The following STYX variants were observed in gnomAD, a reference collection of about 807,000 sequenced individuals.
STYX encodes the protein serine/threonine/tyrosine interacting protein, also known as serine/threonine/tyrosine-interacting protein.
A neutral mutation model predicts 42.7 loss-of-function variants in STYX; 20 were observed. The observed-to-expected ratio is 0.47, with a 90% CI of 0.33 to 0.68. The LOEUF (loss-of-function observed/expected upper bound fraction) is 0.68, where lower values mean the gene tolerates loss of function less well. Among genes scored for constraint, STYX ranks in the 30% least tolerant of loss-of-function variants. The pLI is 0.02. For missense variants in STYX, 226 were observed against 268.5 expected, an observed-to-expected ratio of 0.84 and a Z score of 1.11; for synonymous variants, 78 against 81.9, an observed-to-expected ratio of 0.95 and a Z score of 0.26.
chr14:52,747,828 C>T (rs1388148713), intron 3 of STYX, among the ~76,000 whole-genome samples: 8 of 152,156 alleles, frequency 5.3e-5, no homozygotes, highest in Admixed American at 4.6e-4. Flanking sequence ...CCCGTCTCTA[C>T]TAAAAATACA....
intron 1 of STYX, among the ~76,000 whole-genome samples, chr14:52,740,821 A>G (rs1338210114): frequency 1.3e-5 from 2 of 152,202 alleles, no homozygotes; most frequent in Admixed American, 1.3e-4. Context: ...CAGTTCATTG[A>G]GTTTTGATGA....
intron 9 of STYX, among the ~76,000 whole-genome samples, chr14:52,767,846 G>T (rs568818950): frequency 6.6e-6 from 1 of 152,162 alleles, no homozygotes; most frequent in Non-Finnish European, 1.5e-5. Flanking sequence ...AGTGCCTCAG[G>T]TGATTCTCAT....
rs770415199 is a variant in STYX at position 52,771,142 on chromosome 14, T to C, written c.*36T>C. ...AACATCATAGAGTGTGAATTTCTAT[T>C]TGGGAAGGAGAAAATACAAGAGAAA... On this transcript the variant is annotated 3_prime_UTR_variant, in exon 11 of 11. Transcript: ENST00000354586. The C allele has an allele frequency of 1.4e-5, 21 of 1,549,150 alleles. No homozygotes were observed. Among genetic ancestry groups the C allele is most frequent in the South Asian group, 1.3e-4 (11 of 81,488 alleles).
Position 52,730,382 on chromosome 14 carries a change from G to C in STYX, c.-93G>C, listed in dbSNP as rs1039120725. The C allele has an allele frequency of 1.2e-4, 168 of 1,345,286 alleles. No individual in the cohort carries two copies. Among genetic ancestry groups the C allele is most frequent in the Non-Finnish European group, 1.7e-4 (163 of 955,264 alleles). The allele number at this position is 1,345,286 out of a possible 1,614,324, so 83.3% of individuals were successfully genotyped here. On this transcript the variant is annotated 5_prime_UTR_variant, in exon 1 of 11. Transcript: ENST00000354586. ...CCTCCTGTCAGCCCTCCGCTCCGCC[G>C]GCCCTCCTTCCTTCCGCCGCCGCAG...
chr14:52,734,492 T>C (rs1880868222), intron 1 of STYX, among the ~76,000 whole-genome samples: 2 of 152,224 alleles, frequency 1.3e-5, no homozygotes, highest in Non-Finnish European at 2.9e-5. Flanking sequence ...ATCACTTCAT[T>C]AGCATAATCA....
chr14:52,760,546 C>T (rs1422960155), intron 9 of STYX, among the ~76,000 whole-genome samples: 1 of 152,142 alleles, frequency 6.6e-6, no homozygotes, highest in Non-Finnish European at 1.5e-5. Context: ...TGTGCTCTGG[C>T]TAATTACATC....
chr14:52,754,914 T>G (rs1881789469), intron 4 of STYX, among the ~76,000 whole-genome samples: 1 of 152,196 alleles, frequency 6.6e-6, no homozygotes, highest in Non-Finnish European at 1.5e-5. Flanking sequence ...ATAGTTCTAC[T>G]AGCAGTGCTT....
intron 3 of STYX, 76 bp downstream of exon 3, chr14:52,746,555 G>A (rs1365014414): frequency 7.6e-7 from 1 of 1,307,364 alleles, no homozygotes; most frequent in Non-Finnish European, 1.1e-6. Context: ...TAGTAATAAA[G>A]AGTTTTATTT....
chr14:52,744,320 C>T (rs1181266350), intron 1 of STYX, among the ~76,000 whole-genome samples: 2 of 152,104 alleles, frequency 1.3e-5, no homozygotes. Flanking sequence ...GAATGTTAGG[C>T]CCAAGTGAGA....
At chr14:52,756,840 G>A (rs539645222) in intron 5 of STYX, among the ~76,000 whole-genome samples, 6 of 151,626 alleles carry the variant, frequency 4.0e-5, no homozygotes, top group East Asian at 1.9e-4. Flanking sequence ...GGCATGAGCC[G>A]CCATGCCCAG....
intron 3 of STYX, among the ~76,000 whole-genome samples, chr14:52,747,803 C>T (rs977097657): frequency 6.6e-6 from 1 of 152,138 alleles, no homozygotes; most frequent in Non-Finnish European, 1.5e-5. Flanking sequence ...ACCAGCCTGG[C>T]CAACATGGCA....
At chr14:52,753,390 T>A (rs554286100) in intron 4 of STYX, among the ~76,000 whole-genome samples, 1 of 152,142 alleles carries the variant, frequency 6.6e-6, no homozygotes, top group African/African-American at 2.4e-5. Flanking sequence ...TTTCACCATG[T>A]TGGCCAGGCT....
intron 9 of STYX, 119 bp downstream of exon 9, chr14:52,759,873 A>G (rs1253705987): frequency 9.1e-6 from 6 of 659,064 alleles, no homozygotes; most frequent in South Asian, 3.8e-5. Context: ...GACTACTTTG[A>G]TGCTTTATTC....
At chr14:52,752,882 G>GTTTT (rs1382888369) in intron 4 of STYX, among the ~76,000 whole-genome samples, 1 of 50,172 alleles carries the variant, frequency 2.0e-5, no homozygotes, top group Non-Finnish European at 4.4e-5. Flanking sequence ...TGTTGTTGTT[G>GTTTT]TTTTTTTTTT....
intron 2 of STYX, 94 bp from the exon 3 acceptor site, chr14:52,746,332 G>T: frequency 3.5e-6 from 3 of 856,860 alleles, no homozygotes; most frequent in East Asian, 2.9e-5. Flanking sequence ...ATCTTGTGCT[G>T]CTTTTGATTT....
intron 1 of STYX, among the ~76,000 whole-genome samples, chr14:52,741,317 C>T (rs1267203611): frequency 6.6e-6 from 1 of 151,520 alleles, no homozygotes; most frequent in East Asian, 1.9e-4. Flanking sequence ...TACATTCCCA[C>T]CAGCAATGTG....
In STYX at chr14:52,766,744, T is replaced by A. The variant is rs72686313; in HGVS notation, c.505-2096T>A. On this transcript the variant is annotated intron_variant, in intron 9 of 10. Transcript: ENST00000354586. ...GTATTTACCCTTTTGGTTGTTCTGT[T>A]TCTTTTTCTTTTTAGTATACCCCTT... Among the ~76,000 whole-genome samples, 1,199 of 152,302 alleles carry A rather than the reference T, an allele frequency of 7.9e-3. 8 individuals carry two copies. Among genetic ancestry groups the A allele is most frequent in the Non-Finnish European group, 0.013 (867 of 68,026 alleles).
In STYX at chr14:52,763,082, G is replaced by A. The variant is rs552895480; in HGVS notation, c.504+3328G>A. 1.8e-3 allele frequency among the ~76,000 whole-genome samples: 277 copies of A among 151,498 alleles called. 1 individual carries two copies. The highest frequency in any genetic ancestry group is 3.3e-3 in the Non-Finnish European group (221 of 67,858). On this transcript the variant is annotated intron_variant, in intron 9 of 10. Coordinates refer to ENST00000354586, the MANE Select transcript of STYX (RefSeq NM_145251.4). ...CTAATTTTGTATTTTCAGTAGAGAC[G>A]AGGTTTCACCACATTGGCCAGGCTG...
chr14:52,751,057 A>C (rs1881590636), intron 4 of STYX, among the ~76,000 whole-genome samples: 1 of 152,150 alleles, frequency 6.6e-6, no homozygotes, highest in Non-Finnish European at 1.5e-5. Context: ...TTTAGTGTAC[A>C]TTATTTTATC....
Sources: allele counts gnomAD v4.1 joint callset (sites outside exome capture counted in the v4.1 genomes callset), GRCh38; gene constraint gnomAD v4.1.1; transcripts MANE v1.5; gene names NCBI Gene and HGNC (gene_info 2026-07-23, HGNC 2026-07-21).